B4GALT5: variants seen among roughly 807,000 people sequenced by gnomAD.
B4GALT5 encodes the protein UDP-Gal:beta-GlcNAc beta-1,4-galactosyltransferase 5.
B4GALT5 carries 11 observed loss-of-function variants against 45.0 expected under a neutral mutation model. The ratio of observed to expected loss-of-function variants is 0.24; its 90% confidence interval spans 0.15 to 0.40. B4GALT5 has a LOEUF of 0.40. Among genes scored for constraint, B4GALT5 ranks in the 10% least tolerant of loss-of-function variants. The pLI, the probability that B4GALT5 is intolerant of heterozygous loss-of-function variation, is 1.00. For synonymous variants in B4GALT5, 185 were observed against 182.9 expected (o/e 1.01, Z -0.09); for missense variants, 337 against 500.2 (o/e 0.67, Z 3.11).
chr20:49,690,848 T>C (rs2085807741), intron 1 of B4GALT5, among the ~76,000 whole-genome samples: 1 of 152,194 alleles, frequency 6.6e-6, no homozygotes, highest in Non-Finnish European at 1.5e-5. Context: ...ATCCTTACCC[T>C]GAAATTGCAA....
chr20:49,707,345 G>A (rs569586373), intron 1 of B4GALT5, among the ~76,000 whole-genome samples: 15 of 151,954 alleles, frequency 9.9e-5, no homozygotes, highest in East Asian at 5.8e-4. Context: ...AAATATGTGC[G>A]CAAGAGTGCA....
chr20:49,653,992 C>T (rs1235369468), intron 2 of B4GALT5, among the ~76,000 whole-genome samples: 2 of 152,140 alleles, frequency 1.3e-5, no homozygotes, highest in Non-Finnish European at 2.9e-5. Context: ...GCTGCATGCC[C>T]CTCTAACTTC....
At chr20:49,642,017 T>C (rs1260777563) in intron 5 of B4GALT5, among the ~76,000 whole-genome samples, 2 of 152,168 alleles carry the variant, frequency 1.3e-5, no homozygotes, top group Non-Finnish European at 2.9e-5. Flanking sequence ...CCTACCAATA[T>C]TTTTAAGATT....
chr20:49,651,148 C>T (rs746840328), intron 2 of B4GALT5, among the ~76,000 whole-genome samples: 39 of 151,854 alleles, frequency 2.6e-4, no homozygotes, highest in Middle Eastern at 6.8e-3. Flanking sequence ...TAGCCAGGCA[C>T]GGTGGCATGC....
chr20:49,640,691 A>C lies in B4GALT5; in HGVS notation c.607-26T>G, dbSNP rs1160066014. On this transcript the variant is annotated intron_variant, in intron 5 of 8. Coordinates refer to ENST00000371711, the MANE Select transcript of B4GALT5 (RefSeq NM_004776.4). ...CTAAAAGAAACAGAACTTTATCTTT[A>C]AAAGAATCTTGAAGGAAAATCTTTG... 7 of 1,561,660 alleles carry C rather than the reference A, an allele frequency of 4.5e-6. No homozygotes were observed. In the African/African-American group the frequency reaches 9.7e-5, roughly 22 times the overall value.
intron 1 of B4GALT5, among the ~76,000 whole-genome samples, chr20:49,708,888 C>A (rs939183505): frequency 6.5e-4 from 97 of 149,770 alleles, no homozygotes; most frequent in African/African-American, 2.3e-3. Flanking sequence ...GCTGAGATTG[C>A]GCCACTGCAC....
At chr20:49,687,884 A>G (rs928677379) in intron 1 of B4GALT5, among the ~76,000 whole-genome samples, 1 of 152,074 alleles carries the variant, frequency 6.6e-6, no homozygotes, top group Non-Finnish European at 1.5e-5. Context: ...AAAATTAAAA[A>G]AAAAAAAATT....
chr20:49,643,921 G>GTTTTT (rs1420292087), intron 3 of B4GALT5, among the ~76,000 whole-genome samples: 7 of 115,744 alleles, frequency 6.0e-5, no homozygotes, highest in South Asian at 2.7e-4. Context: ...CAGTAGCTGA[G>GTTTTT]CTTTTTTTTT....
chr20:49,681,760 C>T (rs554876595), intron 1 of B4GALT5, among the ~76,000 whole-genome samples: 74 of 152,316 alleles, frequency 4.9e-4, no homozygotes, highest in African/African-American at 1.7e-3. Flanking sequence ...CAGTGGCATT[C>T]CTTACAACAG....
intron 1 of B4GALT5, among the ~76,000 whole-genome samples, chr20:49,663,717 A>G (rs2085677002): frequency 7.3e-6 from 1 of 136,956 alleles, no homozygotes; most frequent in Admixed American, 7.3e-5. Context: ...ATATATATAT[A>G]TATATATATA....
At chr20:49,696,069 A>C (rs1568733234) in intron 1 of B4GALT5, among the ~76,000 whole-genome samples, 1 of 152,242 alleles carries the variant, frequency 6.6e-6, no homozygotes, top group Admixed American at 6.5e-5. Flanking sequence ...TGAAGAAACA[A>C]TGGAAATAAT....
intron 7 of B4GALT5, among the ~76,000 whole-genome samples, chr20:49,638,612 T>C (rs985860123): frequency 6.6e-6 from 1 of 152,064 alleles, no homozygotes; most frequent in Non-Finnish European, 1.5e-5. Flanking sequence ...GGGCATTTAG[T>C]ACAGAGAACA....
At chr20:49,687,303 G>T (rs1223327060) in intron 1 of B4GALT5, among the ~76,000 whole-genome samples, 2 of 152,202 alleles carry the variant, frequency 1.3e-5, no homozygotes, top group African/African-American at 4.8e-5. Context: ...AGAAAGTACA[G>T]CAGTAATGCA....
Position 49,647,054 on chromosome 20 carries a change from C to T in B4GALT5, c.275G>A (p.Ser92Asn). ...TGTTGTAGTTTGCAGGAAGGTTTCA[C>T]TGTGGTTCAAGTCAAGAGGATAATC... ...DSDYPLDLNH[S>N]ETFLQTTTFL... The change falls in exon 3 of 9, where the codon AGT becomes AAT. Residue 92 changes from serine (S) to asparagine (N), a missense_variant. Transcript: ENST00000371711. The T allele has an allele frequency of 1.9e-6, 3 of 1,613,772 alleles. No individual in the cohort carries two copies. The highest frequency in any genetic ancestry group is 1.1e-5 in the South Asian group (1 of 91,064).
intron 2 of B4GALT5, 30 bp from the exon 3 acceptor site, chr20:49,647,108 G>T (rs767365950): frequency 7.2e-7 from 1 of 1,395,864 alleles, no homozygotes; most frequent in South Asian, 1.2e-5. Flanking sequence ...AAGTCGATCA[G>T]ACTGGTATGT....
At position 49,648,041 on chromosome 20, in the gene B4GALT5, G is replaced by C. The variant is rs543798474; in HGVS notation, c.251-963C>G. On this transcript the variant is annotated intron_variant, in intron 2 of 8. Coordinates refer to ENST00000371711, the MANE Select transcript of B4GALT5 (RefSeq NM_004776.4). ...CAACCTTCCTTTAATCATCATCTCTGCTATCATATTTTTTAACTTTGAAGA... is the reference window on the plus strand; with the variant it reads ...CAACCTTCCTTTAATCATCATCTCTCCTATCATATTTTTTAACTTTGAAGA... 1.6e-3 allele frequency among the ~76,000 whole-genome samples: 244 copies of C among 152,070 alleles called. 3 individuals carry two copies. Among genetic ancestry groups the C allele is most frequent in the African/African-American group, 5.2e-3 (216 of 41,452 alleles).
intron 1 of B4GALT5, among the ~76,000 whole-genome samples, chr20:49,696,269 T>C (rs1223718497): frequency 6.6e-6 from 1 of 152,242 alleles, no homozygotes; most frequent in Non-Finnish European, 1.5e-5. Context: ...AAGAGCTTTA[T>C]TCTACTTTGT....
chr20:49,665,422 G>T (rs1344586970), intron 1 of B4GALT5, among the ~76,000 whole-genome samples: 1 of 77,850 alleles, frequency 1.3e-5, no homozygotes, highest in Non-Finnish European at 2.6e-5. Flanking sequence ...CTCAAAAAGG[G>T]GGGGTGGGGG....
chr20:49,698,507 C>G (rs2085848734), intron 1 of B4GALT5, among the ~76,000 whole-genome samples: 2 of 152,114 alleles, frequency 1.3e-5, no homozygotes, highest in African/African-American at 4.8e-5. Context: ...ATTTCTAATA[C>G]TTTAAACCAG....
Sources: allele counts gnomAD v4.1 joint callset (sites outside exome capture counted in the v4.1 genomes callset), GRCh38; gene constraint gnomAD v4.1.1; transcripts MANE v1.5; gene names NCBI Gene and HGNC (gene_info 2026-07-23, HGNC 2026-07-21).